SETBP1: variants seen among roughly 807,000 people sequenced by gnomAD.
SETBP1 encodes SET binding protein 1, also known as SET-binding protein.
Under a neutral mutation model 101.0 loss-of-function variants are expected in SETBP1, and 9 were observed. The ratio of observed to expected loss-of-function variants is 0.09; its 90% confidence interval spans 0.05 to 0.16. The LOEUF (loss-of-function observed/expected upper bound fraction) is 0.16, where lower values mean the gene tolerates loss of function less well. SETBP1 is among the 10% of genes least tolerant of loss of function. The pLI, the probability that SETBP1 is intolerant of heterozygous loss-of-function variation, is 1.00. For missense variants in SETBP1, 1,858 were observed against 2,033.8 expected (o/e 0.91, Z 1.66); for synonymous variants, 818 against 788.5 (o/e 1.04, Z -0.63).
At chr18:44,804,494 C>T (rs767573967) in intron 2 of SETBP1, among the ~76,000 whole-genome samples, 10 of 152,040 alleles carry the variant, frequency 6.6e-5, no homozygotes, top group African/African-American at 9.7e-5. Flanking sequence ...GAGAGCTGTT[C>T]GAAAGTAATC....
At chr18:44,746,381 AT>A (rs546888335) in intron 2 of SETBP1, among the ~76,000 whole-genome samples, 93 of 152,362 alleles carry the variant, frequency 6.1e-4, no homozygotes, top group African/African-American at 2.1e-3. Context: ...ATAAATAATC[AT>A]GATGAATATT....
intron 4 of SETBP1, among the ~76,000 whole-genome samples, chr18:45,013,437 T>TCTTTCTTTCTTTCTTTCTTTC (rs1232241376): frequency 2.0e-5 from 3 of 151,564 alleles, no homozygotes; most frequent in African/African-American, 7.3e-5. Context: ...TTTCTTTCTT[T>TCTTTCTTTCTTTCTTTCTTTC]TTTTTTGTTT....
chr18:44,935,597 C>A (rs1372505596), intron 3 of SETBP1, among the ~76,000 whole-genome samples: 1 of 152,178 alleles, frequency 6.6e-6, no homozygotes, highest in Non-Finnish European at 1.5e-5. Flanking sequence ...GTTGGCCAAA[C>A]TTGGCTGAAG....
chr18:45,034,534 T>A (rs558483447), intron 4 of SETBP1, among the ~76,000 whole-genome samples: 88 of 151,054 alleles, frequency 5.8e-4, no homozygotes, highest in South Asian at 2.3e-3. Flanking sequence ...GAGACTTTTT[T>A]AAAAAAAAAA....
intron 5 of SETBP1, among the ~76,000 whole-genome samples, chr18:45,048,896 C>T (rs559154254): frequency 3.5e-5 from 5 of 142,762 alleles, no homozygotes; most frequent in African/African-American, 1.3e-4. Context: ...GGCGTGAACC[C>T]GGGAAGCGGA....
At chr18:44,872,404 TG>T (rs1208859422) in intron 3 of SETBP1, among the ~76,000 whole-genome samples, 1 of 152,212 alleles carries the variant, frequency 6.6e-6, no homozygotes, top group Non-Finnish European at 1.5e-5. Context: ...TTTTTTTTAA[TG>T]GTAATATTTT....
intron 2 of SETBP1, among the ~76,000 whole-genome samples, chr18:44,789,919 C>T (rs542174307): frequency 6.6e-6 from 1 of 152,266 alleles, no homozygotes; most frequent in Non-Finnish European, 1.5e-5. Context: ...TTGCTGGCCC[C>T]GGGAGAGTCA....
chr18:45,025,699 G>C (rs2073151228), intron 4 of SETBP1, among the ~76,000 whole-genome samples: 1 of 152,174 alleles, frequency 6.6e-6, no homozygotes, highest in Non-Finnish European at 1.5e-5. Flanking sequence ...CATCTCAAAA[G>C]ACATGACTAC....
intron 2 of SETBP1, among the ~76,000 whole-genome samples, chr18:44,729,146 G>T (rs1172937333): frequency 6.6e-6 from 1 of 152,206 alleles, no homozygotes; most frequent in African/African-American, 2.4e-5. Flanking sequence ...ATGAAATCTG[G>T]CTCTACAGTT....
At chr18:45,046,070 T>C (rs1318999865) in intron 5 of SETBP1, among the ~76,000 whole-genome samples, 1 of 151,076 alleles carries the variant, frequency 6.6e-6, no homozygotes, top group Non-Finnish European at 1.5e-5. Context: ...CCCTATAAGC[T>C]CATTGATCAT....
intron 2 of SETBP1, among the ~76,000 whole-genome samples, chr18:44,805,872 TAAGGC>T (rs970663027): frequency 2.0e-5 from 3 of 152,166 alleles, no homozygotes; most frequent in African/African-American, 7.2e-5. Context: ...GTTAATCAGA[TAAGGC>T]AGTGGTAGGG....
chr18:44,891,080 G>A (rs1475280529), intron 3 of SETBP1, among the ~76,000 whole-genome samples: 1 of 152,150 alleles, frequency 6.6e-6, no homozygotes, highest in African/African-American at 2.4e-5. Context: ...GGCAGAAGGA[G>A]CAAGTCACAT....
chr18:44,872,110 C>T (rs2069289878), intron 3 of SETBP1: 1 of 152,166 alleles, frequency 6.6e-6, no homozygotes, highest in African/African-American at 2.4e-5. Context: ...AATGAGAACC[C>T]TCACTTCTTT....
intron 4 of SETBP1, among the ~76,000 whole-genome samples, chr18:45,027,149 A>G (rs1461722457): frequency 3.3e-5 from 5 of 152,180 alleles, no homozygotes; most frequent in Non-Finnish European, 7.3e-5. Context: ...GCATTATTAT[A>G]ATTTACTGCA....
At chr18:44,683,361 A>G (rs973077878) in intron 1 of SETBP1, among the ~76,000 whole-genome samples, 3 of 152,180 alleles carry the variant, frequency 2.0e-5, no homozygotes, top group Admixed American at 6.5e-5. Flanking sequence ...AGGGTTGGGG[A>G]AAAAGGAAAC....
At chr18:44,946,474 T>C (rs566562150) in intron 3 of SETBP1, among the ~76,000 whole-genome samples, 3 of 152,172 alleles carry the variant, frequency 2.0e-5, no homozygotes, top group African/African-American at 7.2e-5. Context: ...AATTAGGAGA[T>C]GGGGAGAACT....
At chr18:44,683,410 G>T (rs367840112) in intron 1 of SETBP1, among the ~76,000 whole-genome samples, 5 of 152,212 alleles carry the variant, frequency 3.3e-5, no homozygotes, top group East Asian at 3.8e-4. Flanking sequence ...TGAAAATGGT[G>T]AGTGGGGAGA....
intron 4 of SETBP1, among the ~76,000 whole-genome samples, chr18:44,999,961 C>T (rs2072582566): frequency 6.6e-6 from 1 of 152,196 alleles, no homozygotes; most frequent in South Asian, 2.1e-4. Context: ...AAGCAAAACA[C>T]AAAAATCATG....
chr18:45,056,873 A>G (rs771005957), intron 5 of SETBP1, among the ~76,000 whole-genome samples: 2 of 152,226 alleles, frequency 1.3e-5, no homozygotes, highest in African/African-American at 2.4e-5. Context: ...GGAGCAGAAC[A>G]CAGACCAGAG....
Sources: gnomAD v4.1 joint callset for allele counts (sites outside exome capture counted in the v4.1 genomes callset) on GRCh38, gnomAD v4.1.1 for gene constraint, MANE v1.5 for transcripts, NCBI Gene and HGNC (gene_info 2026-07-23, HGNC 2026-07-21) for gene names.